MYO10: variants seen among roughly 807,000 people sequenced by gnomAD.
MYO10 encodes the protein myosin X.
MYO10 carries 133 observed loss-of-function variants against 257.3 expected under a neutral mutation model. The observed-to-expected ratio is 0.52, with a 90% confidence interval of 0.45 to 0.60. The LOEUF (loss-of-function observed/expected upper bound fraction) is 0.60. Among genes scored for constraint, MYO10 ranks in the 20% least tolerant of loss-of-function variants. MYO10 has a pLI of 0.00. For synonymous variants in MYO10, 1,104 were observed against 1,028.6 expected (o/e 1.07, Z -1.40); for missense variants, 2,399 against 2,635.7 (o/e 0.91, Z 1.97).
At chr5:16,817,779 T>G (rs1197907078) in intron 3 of MYO10, among the ~76,000 whole-genome samples, 1 of 152,196 alleles carries the variant, frequency 6.6e-6, no homozygotes, top group Admixed American at 6.5e-5. Context: ...TACCTCGATG[T>G]GCAGAAGGCC....
intron 1 of MYO10, among the ~76,000 whole-genome samples, chr5:16,933,818 G>A (rs1392992767): frequency 6.6e-6 from 1 of 152,116 alleles, no homozygotes; most frequent in Admixed American, 6.6e-5. Flanking sequence ...TAGATTTAAG[G>A]GTGGAACTTT....
rs77133632 is a variant in MYO10, at chr5:16,922,755, G to A, written c.21+13033C>T. On this transcript the variant is annotated intron_variant, in intron 1 of 40. Coordinates refer to ENST00000513610, the MANE Select transcript of MYO10 (RefSeq NM_012334.3). ...GTTTTACAAACTTGTGCTCAGCCAT[G>A]TGTGATGGCTTACACCTGTAATTCC... Among the ~76,000 whole-genome samples, 390 of 152,362 alleles carry A rather than the reference G, an allele frequency of 2.6e-3. 2 individuals carry two copies. The highest frequency in any genetic ancestry group is 8.2e-3 in the African/African-American group (341 of 41,586).
chr5:16,760,971 T>C (rs1740693082), intron 17 of MYO10, among the ~76,000 whole-genome samples: 1 of 151,186 alleles, frequency 6.6e-6, no homozygotes, highest in East Asian at 1.9e-4. Flanking sequence ...TATATTATTA[T>C]TATTATTATT....
intron 2 of MYO10, among the ~76,000 whole-genome samples, chr5:16,846,183 A>T (rs1743630638): frequency 6.6e-6 from 1 of 152,174 alleles, no homozygotes; most frequent in Non-Finnish European, 1.5e-5. Context: ...CTTTGTTTTC[A>T]AAGTGAAATG....
chr5:16,740,945 C>G (rs1488463870), intron 19 of MYO10, among the ~76,000 whole-genome samples: 1 of 151,382 alleles, frequency 6.6e-6, no homozygotes, highest in Non-Finnish European at 1.5e-5. Context: ...GAAATCTTAT[C>G]TACGCGACGA....
At chr5:16,748,403 C>T (rs1005151551) in intron 19 of MYO10, among the ~76,000 whole-genome samples, 1 of 152,100 alleles carries the variant, frequency 6.6e-6, no homozygotes, top group African/African-American at 2.4e-5. Context: ...CACCACCACG[C>T]CCAGCAAATT....
intron 15 of MYO10, 92 bp from the exon 16 acceptor site, chr5:16,762,205 G>C: frequency 1.5e-6 from 2 of 1,375,160 alleles, no homozygotes; most frequent in Non-Finnish European, 1.9e-6. Flanking sequence ...AAATACAAAA[G>C]ACAGTGAAAA....
chr5:16,762,754 A>T, intron 14 of MYO10, 117 bp from the exon 15 acceptor site: 1 of 686,272 alleles, frequency 1.5e-6, no homozygotes, highest in Non-Finnish European at 2.4e-6. Context: ...ATTTGAGGTC[A>T]GGAGTTCCAG....
At chr5:16,727,334 G>T (rs1048305409) in intron 19 of MYO10, among the ~76,000 whole-genome samples, 1 of 152,080 alleles carries the variant, frequency 6.6e-6, no homozygotes, top group Non-Finnish European at 1.5e-5. Flanking sequence ...AAACAACAAG[G>T]CTTAAAATTC....
intron 2 of MYO10, among the ~76,000 whole-genome samples, chr5:16,826,137 G>A (rs150542971): frequency 1.3e-5 from 2 of 151,950 alleles, no homozygotes; most frequent in African/African-American, 2.4e-5. Flanking sequence ...GATATAGAAT[G>A]AGACTCAGTC....
At chr5:16,792,438 T>C (rs1169699777) in intron 4 of MYO10, among the ~76,000 whole-genome samples, 3 of 152,110 alleles carry the variant, frequency 2.0e-5, no homozygotes, top group Non-Finnish European at 2.9e-5. Context: ...TCAGAAACCA[T>C]GAGCCATTAT....
intron 4 of MYO10, among the ~76,000 whole-genome samples, chr5:16,786,585 G>T (rs2126674056): frequency 6.6e-6 from 1 of 152,184 alleles, no homozygotes; most frequent in Admixed American, 6.5e-5. Flanking sequence ...CAATAGAAAT[G>T]TTCTTTGGGG....
intron 19 of MYO10, among the ~76,000 whole-genome samples, chr5:16,740,304 G>A (rs1342064610): frequency 6.6e-6 from 1 of 152,116 alleles, no homozygotes; most frequent in East Asian, 1.9e-4. Context: ...ACACATTGAG[G>A]GGGCTGCCCG....
intron 1 of MYO10, among the ~76,000 whole-genome samples, chr5:16,895,760 ACACACACACACACACACACACACACAC>A (rs1745199220): frequency 2.3e-5 from 1 of 42,706 alleles, no homozygotes; most frequent in Non-Finnish European, 6.1e-5. Flanking sequence ...CACAACACAC[ACACACACACACACACACACACACACAC>A]ACACACACAC....
chr5:16,757,049 G>A lies in MYO10; in HGVS notation c.1848+1069C>T, dbSNP rs141298864. Among the ~76,000 whole-genome samples, 432 of 150,818 alleles carry A rather than the reference G, an allele frequency of 2.9e-3. 3 individuals carry two copies. Among genetic ancestry groups the A allele is most frequent in the African/African-American group, 0.01 (417 of 40,912 alleles). ...CAGAAGAATCTCTTGAATCTGGGAG[G>A]TAGAGGTTGCAGTGAGCTGAGATCG... On this transcript the variant is annotated intron_variant, in intron 18 of 40. Coordinates refer to ENST00000513610, the MANE Select transcript of MYO10 (RefSeq NM_012334.3).
At chr5:16,784,288 C>T (rs1741508800) in intron 4 of MYO10, among the ~76,000 whole-genome samples, 1 of 152,202 alleles carries the variant, frequency 6.6e-6, no homozygotes, top group Admixed American at 6.5e-5. Context: ...AGAAGATGAG[C>T]TGAGGTTCAG....
chr5:16,694,340 C>T, intron 27 of MYO10, 31 bp downstream of exon 27: 1 of 1,613,038 alleles, frequency 6.2e-7, no homozygotes, highest in Non-Finnish European at 8.5e-7. Context: ...ATGAGCAACC[C>T]ATCGGGCCAC....
chr5:16,675,179 C>CA (rs770039496), intron 34 of MYO10, 29 bp from the exon 35 acceptor site: 1,070 of 1,608,940 alleles, frequency 6.7e-4, no homozygotes, highest in Admixed American at 1.4e-3. Context: ...ACACGGAACT[C>CA]ATCTGAGGGG....
chr5:16,837,524 T>G (rs1361339183), intron 2 of MYO10, among the ~76,000 whole-genome samples: 3 of 152,152 alleles, frequency 2.0e-5, no homozygotes, highest in Non-Finnish European at 4.4e-5. Context: ...TTCGGGGTGA[T>G]GAAAGTGTTC....
Sources: allele counts gnomAD v4.1 joint callset (sites outside exome capture counted in the v4.1 genomes callset), GRCh38; gene constraint gnomAD v4.1.1; transcripts MANE v1.5; gene names NCBI Gene and HGNC (gene_info 2026-07-23, HGNC 2026-07-21).